Variants in ZFAND3 observed in about 807,000 individuals in gnomAD.
The protein encoded by ZFAND3 is AN1-type zinc finger protein 3.
A neutral mutation model predicts 29.6 loss-of-function variants in ZFAND3; 10 were observed. The ratio of observed to expected loss-of-function variants is 0.34; its 90% confidence interval spans 0.21 to 0.57. The LOEUF (loss-of-function observed/expected upper bound fraction) is 0.57. Among genes scored for constraint, ZFAND3 ranks in the 20% least tolerant of loss-of-function variants. The pLI, the probability that ZFAND3 is intolerant of heterozygous loss-of-function variation, is 0.86. For missense variants in ZFAND3, 230 were observed against 304.5 expected (o/e 0.76, Z 1.82); for synonymous variants, 128 against 112.6 (o/e 1.14, Z -0.87).
intron 2 of ZFAND3, among the ~76,000 whole-genome samples, chr6:37,969,567 C>CA (rs1762350686): frequency 6.6e-6 from 1 of 152,104 alleles, no homozygotes; most frequent in South Asian, 2.1e-4. Flanking sequence ...GATGAGTACT[C>CA]AAAGTATGGT....
chr6:38,123,215 CA>C (rs1765567149), intron 5 of ZFAND3, among the ~76,000 whole-genome samples: 2 of 152,296 alleles, frequency 1.3e-5, no homozygotes, highest in South Asian at 4.1e-4. Flanking sequence ...CTGTTGCTGC[CA>C]TTGCAGGGGG....
chr6:37,942,175 C>T (rs1029208396), intron 2 of ZFAND3, among the ~76,000 whole-genome samples: 3 of 151,928 alleles, frequency 2.0e-5, no homozygotes, highest in Non-Finnish European at 4.4e-5. Flanking sequence ...AAACATGGCA[C>T]CTCTGAATGG....
intron 1 of ZFAND3, among the ~76,000 whole-genome samples, chr6:37,886,119 TC>T (rs1764984715): frequency 6.6e-6 from 1 of 151,532 alleles, no homozygotes; most frequent in African/African-American, 2.4e-5. Flanking sequence ...GTGCCTGTAG[TC>T]CCAGCTATTC....
At chr6:38,067,224 A>G (rs1323594942) in intron 3 of ZFAND3, among the ~76,000 whole-genome samples, 2 of 152,238 alleles carry the variant, frequency 1.3e-5, no homozygotes, top group Non-Finnish European at 2.9e-5. Context: ...TGTGGGCAAT[A>G]CTTATTTTCC....
At chr6:37,946,156 A>G (rs180749541) in intron 2 of ZFAND3, among the ~76,000 whole-genome samples, 5 of 152,328 alleles carry the variant, frequency 3.3e-5, no homozygotes, top group Admixed American at 1.3e-4. Flanking sequence ...ATGTAAAAGC[A>G]TACAAGTCTG....
At position 38,144,274 on chromosome 6, in the gene ZFAND3, G is replaced by A. The variant is rs1766057386; in HGVS notation, c.530-7961G>A. Among the ~76,000 whole-genome samples the A allele has an allele frequency of 2.8e-5, 4 of 143,644 alleles. No individual in the cohort carries two copies. The South Asian group carries it at 6.6e-4, about 24-fold the overall frequency. The allele number at this position is 143,644 out of a possible 152,430, so 94.2% of individuals were successfully genotyped here. ...TTGCTTGATCATTTAAGGAAGATGGGTCGGGGATATTTGTCATTTATTTTT... is the reference window on the plus strand; with the variant it reads ...TTGCTTGATCATTTAAGGAAGATGGATCGGGGATATTTGTCATTTATTTTT... On this transcript the variant is annotated intron_variant, in intron 5 of 5. Coordinates refer to ENST00000287218, the MANE Select transcript of ZFAND3 (RefSeq NM_021943.3).
intron 1 of ZFAND3, among the ~76,000 whole-genome samples, chr6:37,873,918 C>T (rs1043151475): frequency 7.2e-5 from 11 of 152,172 alleles, no homozygotes; most frequent in Admixed American, 6.5e-4. Context: ...GTATAATTTT[C>T]ACGTCTCAGA....
In ZFAND3 at chr6:37,839,514, G is replaced by C. The variant is rs551217597; in HGVS notation, c.71+19498G>C. Among the ~76,000 whole-genome samples the C allele has an allele frequency of 4.8e-3, 561 of 117,160 alleles. 2 individuals carry two copies. Among genetic ancestry groups the C allele is most frequent in the Middle Eastern group, 0.034 (6 of 176 alleles). The allele number at this position is 117,160 out of a possible 152,430, so 76.9% of individuals were successfully genotyped here. ...TTTTTATTTTTTATTTTTTGTTGTT[G>C]TTGTTTTGTTTTTTTTTTTGAGATG... On this transcript the variant is annotated intron_variant, in intron 1 of 5. Coordinates refer to ENST00000287218, the MANE Select transcript of ZFAND3 (RefSeq NM_021943.3).
intron 2 of ZFAND3, among the ~76,000 whole-genome samples, chr6:37,935,612 A>G (rs1335926890): frequency 6.6e-6 from 1 of 152,178 alleles, no homozygotes; most frequent in Non-Finnish European, 1.5e-5. Context: ...TAGTAAAGTT[A>G]TTTTGTGAAA....
chr6:37,954,918 A>G (rs1392817545), intron 2 of ZFAND3, among the ~76,000 whole-genome samples: 2 of 152,200 alleles, frequency 1.3e-5, no homozygotes, highest in African/African-American at 4.8e-5. Flanking sequence ...GGGAACAGGC[A>G]CATTCCCTGG....
intron 2 of ZFAND3, among the ~76,000 whole-genome samples, chr6:37,948,067 G>T (rs1469774546): frequency 6.6e-6 from 1 of 152,154 alleles, no homozygotes; most frequent in Non-Finnish European, 1.5e-5. Context: ...AAAAGAAAGT[G>T]CATTCTGCTG....
At chr6:37,916,762 T>A (rs1349519150) in intron 1 of ZFAND3, among the ~76,000 whole-genome samples, 1 of 152,238 alleles carries the variant, frequency 6.6e-6, no homozygotes, top group East Asian at 1.9e-4. Flanking sequence ...AACCATGTTG[T>A]GAAAGTATTA....
At position 38,078,951 on chromosome 6, in the gene ZFAND3, C is replaced by T. The variant is rs144580882; in HGVS notation, c.296-3441C>T. ...TGACCCTTAATGTCAACTCTCAAAA[C>T]TATTTTGTTTGCTGCAACCAAATGT... On this transcript the variant is annotated intron_variant, in intron 3 of 5. Transcript: ENST00000287218. 2.6e-5 allele frequency among the ~76,000 whole-genome samples: 4 copies of T among 152,290 alleles called. No individual in the cohort carries two copies. The East Asian group carries it at 5.8e-4, about 22-fold the overall frequency.
chr6:38,050,755 G>A (rs1764010798), intron 2 of ZFAND3, among the ~76,000 whole-genome samples: 1 of 152,116 alleles, frequency 6.6e-6, no homozygotes, highest in South Asian at 2.1e-4. Flanking sequence ...GGGACTATAG[G>A]CGTGCACCAC....
chr6:38,150,983 G>A (rs887611089), intron 5 of ZFAND3, among the ~76,000 whole-genome samples: 6 of 152,190 alleles, frequency 3.9e-5, no homozygotes, highest in Non-Finnish European at 7.3e-5. Flanking sequence ...AAGGTGATGA[G>A]GAGCCAGCCA....
At position 37,837,896 on chromosome 6, in the gene ZFAND3, A is replaced by C. The variant is rs550409534; in HGVS notation, c.71+17880A>C. 2.0e-5 allele frequency among the ~76,000 whole-genome samples: 3 copies of C among 152,362 alleles called. No individual in the cohort carries two copies. In the South Asian group the frequency reaches 6.2e-4, roughly 32 times the overall value. Reference sequence around the variant, plus strand: ...ACAAAAATACACTTTGTTTAAAATTATATTGATACAATTTAAATAGTGTCA... The same window carrying C: ...ACAAAAATACACTTTGTTTAAAATTCTATTGATACAATTTAAATAGTGTCA... On this transcript the variant is annotated intron_variant, in intron 1 of 5. Transcript: ENST00000287218.
At chr6:38,043,269 C>A (rs945531050) in intron 2 of ZFAND3, among the ~76,000 whole-genome samples, 1 of 151,492 alleles carries the variant, frequency 6.6e-6, no homozygotes, top group Non-Finnish European at 1.5e-5. Context: ...CTGTGAGCCA[C>A]CATGCCCAGC....
In ZFAND3 at chr6:38,062,736, GC is replaced by G. The variant is rs1764266562; in HGVS notation, c.295+962del. ...TCTTTCCCTCCATCCCCCATCCCTG[GC>G]GGTATGTGAGATATACATCTCTTTT... On this transcript the variant is annotated intron_variant, in intron 3 of 5. Transcript: ENST00000287218. The G allele has an allele frequency of 2.0e-5, 3 of 152,064 alleles. No individual in the cohort carries two copies. The South Asian group carries it at 6.2e-4, about 32-fold the overall frequency. The allele number at this position is 152,064 out of a possible 1,614,324, so 9.4% of individuals were successfully genotyped here.
At chr6:37,827,346 A>G (rs1763778681) in intron 1 of ZFAND3, among the ~76,000 whole-genome samples, 1 of 152,322 alleles carries the variant, frequency 6.6e-6, no homozygotes, top group South Asian at 2.1e-4. Flanking sequence ...ACAGGGAGGT[A>G]TTGGTCTAAC....
Sources: allele counts gnomAD v4.1 joint callset (sites outside exome capture counted in the v4.1 genomes callset), GRCh38; gene constraint gnomAD v4.1.1; transcripts MANE v1.5; gene names NCBI Gene and HGNC (gene_info 2026-07-23, HGNC 2026-07-21).